Variants in SGCD observed in about 807,000 individuals in gnomAD.
SGCD encodes delta-sarcoglycan.
Under a neutral mutation model 36.6 loss-of-function variants are expected in SGCD, and 18 were observed. That is an observed-to-expected ratio of 0.49 (90% CI 0.34 to 0.73). The LOEUF is 0.73. Among genes scored for constraint, SGCD ranks in the 30% least tolerant of loss-of-function variants. The probability of loss-of-function intolerance (pLI) is 0.01; values close to 1 mark genes in which losing one functional copy is unlikely to be tolerated. For synonymous variants in SGCD, 133 were observed against 130.6 expected, an observed-to-expected ratio of 1.02 and a Z score of -0.12; for missense variants, 387 against 346.7, an observed-to-expected ratio of 1.12 and a Z score of -0.92.
At chr5:156,140,140 G>A (rs372614744) in intron 3 of SGCD, among the ~76,000 whole-genome samples, 1 of 152,278 alleles carries the variant, frequency 6.6e-6, no homozygotes, top group East Asian at 1.9e-4. Context: ...GTGCTGTTTT[G>A]TTACAGCAGT....
chr5:155,728,128 C>G, the SGCD span, among the ~76,000 whole-genome samples: 1 of 152,150 alleles, frequency 6.6e-6, no homozygotes, highest in African/African-American at 2.4e-5. Flanking sequence ...TCGGGAGCCT[C>G]TCGGCGGCTT....
At chr5:156,749,044 C>G (rs115286904) in intron 7 of SGCD, among the ~76,000 whole-genome samples, 1,731 of 152,108 alleles carry the variant, frequency 0.011, 30 homozygotes, top group African/African-American at 0.039. Flanking sequence ...GGATTATAGG[C>G]GTGAGCCATT....
At chr5:156,184,804 G>A (rs1763695908) in intron 3 of SGCD, among the ~76,000 whole-genome samples, 2 of 152,138 alleles carry the variant, frequency 1.3e-5, no homozygotes, top group South Asian at 4.1e-4. Flanking sequence ...AAATAGTGAG[G>A]ACCACCAGCC....
Position 156,370,479 on chromosome 5 carries a change from A to G in SGCD, c.192+25802A>G, listed in dbSNP as rs73812206. 5.7e-3 allele frequency among the ~76,000 whole-genome samples: 868 copies of G among 152,316 alleles called. 10 individuals are homozygous for G. The highest frequency in any genetic ancestry group is 0.02 in the African/African-American group (823 of 41,572). ...CTTGGAAAGGTGAGGTAACTTGCCC[A>G]TGTAAGAGCATTTTCAGAGTTTGTA... On this transcript the variant is annotated intron_variant, in intron 3 of 8. Transcript: ENST00000337851.
At chr5:156,322,775 C>A (rs566371972), upstream of SGCD, among the ~76,000 whole-genome samples, 20 of 152,318 alleles carry the variant, frequency 1.3e-4, no homozygotes, top group African/African-American at 4.8e-4. Flanking sequence ...GAGGGAGTGG[C>A]AGCAGATGAG....
chr5:156,734,492 TCTC>T (rs771717771), intron 7 of SGCD, among the ~76,000 whole-genome samples: 1 of 152,152 alleles, frequency 6.6e-6, no homozygotes, highest in African/African-American at 2.4e-5. Context: ...TTGGCTCCAT[TCTC>T]CTCATCTTTT....
chr5:156,585,191 C>T lies in SGCD; in HGVS notation c.295-4040C>T, dbSNP rs543707823. Among the ~76,000 whole-genome samples, 288 of 152,198 alleles carry T rather than the reference C, an allele frequency of 1.9e-3. 5 individuals carry two copies. The South Asian group carries it at 0.027, about 14-fold the overall frequency. On this transcript the variant is annotated intron_variant, in intron 4 of 8. Transcript: ENST00000337851. ...TTTGAGAAAGAGCTTCACAGTGTAGCTTCATTATTCATGACTGGAAAAAAA... is the reference window on the plus strand; with the variant it reads ...TTTGAGAAAGAGCTTCACAGTGTAGTTTCATTATTCATGACTGGAAAAAAA...
chr5:156,685,790 C>A (rs1019475784), intron 7 of SGCD, among the ~76,000 whole-genome samples: 1 of 152,180 alleles, frequency 6.6e-6, no homozygotes, highest in African/African-American at 2.4e-5. Flanking sequence ...GGCTGATGTT[C>A]TTTTATGCCA....
intron 3 of SGCD, among the ~76,000 whole-genome samples, chr5:156,471,000 T>C (rs560217522): frequency 3.3e-5 from 5 of 152,302 alleles, no homozygotes; most frequent in East Asian, 3.9e-4. Context: ...AGGATTCATC[T>C]GTTCAAATTT....
intron 3 of SGCD, among the ~76,000 whole-genome samples, chr5:156,392,283 T>G (rs1771612953): frequency 6.6e-6 from 1 of 152,200 alleles, no homozygotes; most frequent in African/African-American, 2.4e-5. Context: ...CTTCAACCTC[T>G]TAGAGCCTAC....
At chr5:156,733,661 T>A (rs1327064905) in intron 7 of SGCD, among the ~76,000 whole-genome samples, 1 of 152,126 alleles carries the variant, frequency 6.6e-6, no homozygotes, top group Admixed American at 6.6e-5. Flanking sequence ...TCTAAGAACT[T>A]GCTTTATGAA....
chr5:156,332,411 G>T (rs1485043111), intron 2 of SGCD, among the ~76,000 whole-genome samples: 3 of 152,230 alleles, frequency 2.0e-5, no homozygotes, highest in Non-Finnish European at 4.4e-5. Context: ...GTCAGCTCCT[G>T]TCCTTTTGAG....
intron 1 of SGCD, among the ~76,000 whole-genome samples, chr5:156,052,778 G>C (rs1759954911): frequency 6.8e-6 from 1 of 146,136 alleles, no homozygotes; most frequent in Non-Finnish European, 1.5e-5. Flanking sequence ...TGTCTCTCTT[G>C]CCATCTGTCA....
chr5:156,188,674 C>G lies in SGCD; in HGVS notation c.-44+64655C>G, dbSNP rs549876089. On this transcript the variant is annotated intron_variant, in intron 3 of 9. Transcript: ENST00000517913. ...CTCTCTGACCACCCCAACCGCCCCC[C>G]CCGACACACATACACACAATCCCTC... 2.3e-3 allele frequency among the ~76,000 whole-genome samples: 309 copies of G among 134,964 alleles called. 3 individuals carry two copies. Among genetic ancestry groups the G allele is most frequent in the African/African-American group, 7.8e-3 (291 of 37,498 alleles). 88.5% of individuals were successfully genotyped at this position (134,964 alleles called of 152,430 possible).
chr5:156,635,802 A>G (rs1279387912), intron 6 of SGCD, among the ~76,000 whole-genome samples: 1 of 149,982 alleles, frequency 6.7e-6, no homozygotes, highest in Non-Finnish European at 1.5e-5. Context: ...ACCAAAGACC[A>G]CATGTTCTCA....
rs544252298 is a variant in SGCD, at chr5:156,019,307, T to C, written c.-281-98571T>C. Among the ~76,000 whole-genome samples the C allele has an allele frequency of 1.6e-4, 24 of 152,340 alleles. No homozygotes were observed. In the South Asian group the frequency reaches 4.4e-3, roughly 28 times the overall value. ...TGCTACGCTACTTCTAGGCTTGGAC[T>C]CAGAACCTTGAACGTTGACAGAATT... On this transcript the variant is annotated intron_variant, in intron 1 of 9. Coordinates refer to the SGCD transcript ENST00000517913.
rs141665441 is a variant in SGCD, at chr5:156,425,113, C to T, written c.192+80436C>T. Among the ~76,000 whole-genome samples the T allele has an allele frequency of 3.3e-5, 5 of 152,188 alleles. No individual in the cohort carries two copies. The East Asian group carries it at 9.6e-4, about 29-fold the overall frequency. On this transcript the variant is annotated intron_variant, in intron 3 of 8. Transcript: ENST00000337851. ...CTCCAGCGAAAGCCAACCTTATAAG[C>T]AACCCTTTCAAAGGACAGCAGTCAG...
chr5:156,235,306 T>C (rs1581185913), intron 3 of SGCD, among the ~76,000 whole-genome samples: 1 of 152,296 alleles, frequency 6.6e-6, no homozygotes, highest in Non-Finnish European at 1.5e-5. Context: ...ATCAATTCTG[T>C]TGAATCATGT....
At chr5:156,394,382 A>G (rs1185933131) in intron 3 of SGCD, among the ~76,000 whole-genome samples, 1 of 152,234 alleles carries the variant, frequency 6.6e-6, no homozygotes, top group African/African-American at 2.4e-5. Context: ...AAGGATTAAT[A>G]TATCAGAAAA....
Sources: allele counts gnomAD v4.1 joint callset (sites outside exome capture counted in the v4.1 genomes callset), GRCh38; gene constraint gnomAD v4.1.1; transcripts MANE v1.5; gene names NCBI Gene and HGNC (gene_info 2026-07-23, HGNC 2026-07-21).